The following STX7 variants were observed in gnomAD, a reference collection of about 807,000 sequenced individuals.
STX7 encodes the protein syntaxin 7.
Under a neutral mutation model 39.6 loss-of-function variants are expected in STX7, and 34 were observed. The ratio of observed to expected loss-of-function variants is 0.86; its 90% CI spans 0.65 to 1.14. STX7 has a LOEUF of 1.14. STX7 is among the 50% of genes most tolerant of loss of function. The probability of loss-of-function intolerance (pLI) is 0.00; values close to 1 mark genes in which losing one functional copy is unlikely to be tolerated. For missense variants in STX7, 284 were observed against 310.4 expected, an observed-to-expected ratio of 0.92 and a Z score of 0.64; for synonymous variants, 119 against 99.1, an observed-to-expected ratio of 1.20 and a Z score of -1.19.
Position 132,480,863 on chromosome 6 carries a change from T to C in STX7, c.86-5201A>G, listed in dbSNP as rs139898703. Among the ~76,000 whole-genome samples the C allele has an allele frequency of 3.3e-3, 497 of 152,346 alleles. 2 individuals are homozygous for C. Among genetic ancestry groups the C allele is most frequent in the African/African-American group, 0.012 (481 of 41,576 alleles). On this transcript the variant is annotated intron_variant, in intron 2 of 9. Transcript: ENST00000367941. ...AACTTAGCACCTGCCAGTATTCTTT[T>C]TCTTGCTCTGCAATGTATATATTTA...
intron 8 of STX7, 110 bp downstream of exon 8, chr6:132,468,292 AG>A (rs998035171): frequency 2.5e-6 from 2 of 812,456 alleles, no homozygotes; most frequent in African/African-American, 3.5e-5. Flanking sequence ...TTTTGGTTCC[AG>A]GGAAACCAAA....
chr6:132,505,760 A>AAAC (rs1554252687), intron 1 of STX7, among the ~76,000 whole-genome samples: 19 of 144,980 alleles, frequency 1.3e-4, no homozygotes, highest in African/African-American at 4.2e-4. Flanking sequence ...AAAAAAAAAA[A>AAAC]AAAACACAGG....
chr6:132,490,982 A>T (rs1295053234), intron 2 of STX7, among the ~76,000 whole-genome samples: 1 of 143,652 alleles, frequency 7.0e-6, no homozygotes, highest in Non-Finnish European at 1.5e-5. Context: ...AGCACAGCAC[A>T]GCACAGCACA....
chr6:132,498,847 A>C (rs561285261), intron 2 of STX7, among the ~76,000 whole-genome samples: 40 of 152,350 alleles, frequency 2.6e-4, no homozygotes, highest in Non-Finnish European at 5.1e-4. Flanking sequence ...TATCTAATCT[A>C]AACTCCCCTT....
rs926014988 is a variant in STX7 at position 132,470,757 on chromosome 6, G to A, written c.388-131C>T. The A allele has an allele frequency of 3.9e-4, 189 of 489,778 alleles. 1 individual carries two copies. Among genetic ancestry groups the A allele is most frequent in the Non-Finnish European group, 8.7e-5 (24 of 275,054 alleles). The allele number at this position is 489,778 out of a possible 1,614,324, so 30.3% of individuals were successfully genotyped here. On this transcript the variant is annotated intron_variant, in intron 5 of 9. Coordinates refer to ENST00000367941, the MANE Select transcript of STX7 (RefSeq NM_003569.3). ...TACGTGTCTGTGTGTATGTGTGTGT[G>A]TGTGTAGAGACAGAGAGAAAGAAGT...
At chr6:132,472,410 CTAA>C in intron 3 of STX7, 35 bp from the exon 4 acceptor site, 2 of 1,494,598 alleles carry the variant, frequency 1.3e-6, no homozygotes, top group Non-Finnish European at 9.2e-7. Flanking sequence ...AGCCAAAGGA[CTAA>C]TATACTTCTT....
chr6:132,468,595 C>G (rs1774624504), intron 7 of STX7, 120 bp from the exon 8 acceptor site: 2 of 580,826 alleles, frequency 3.4e-6, no homozygotes, highest in Admixed American at 3.7e-5. Flanking sequence ...CTATAATACA[C>G]AAATATAATA....
At position 132,459,704 on chromosome 6, in the gene STX7, T is replaced by C. The variant is rs1238949643; in HGVS notation, c.*1054A>G. ...TCTTTACAGAATTCAGATTAGTGCA[T>C]TAAAACAACATTGATTTAAAAAGGG... On this transcript the variant is annotated 3_prime_UTR_variant, in exon 10 of 10. Transcript: ENST00000367941. The C allele has an allele frequency of 6.6e-6, 1 of 152,196 alleles. No homozygotes were observed. Among genetic ancestry groups the C allele is most frequent in the African/African-American group, 2.4e-5 (1 of 41,450 alleles). 9.4% of individuals were successfully genotyped at this position (152,196 alleles called of 1,614,324 possible). A position where few individuals can be genotyped will look rare whatever the true frequency, so the allele number is the denominator to read the frequency against.
rs555784809 is a variant in STX7, at chr6:132,460,504, G to A, written c.*254C>T. The A allele has an allele frequency of 9.6e-6, 3 of 311,080 alleles. No individual in the cohort carries two copies. Among genetic ancestry groups the A allele is most frequent in the Admixed American group, 9.6e-5 (2 of 20,842 alleles). 19.3% of individuals were successfully genotyped at this position (311,080 alleles called of 1,614,324 possible). On this transcript the variant is annotated 3_prime_UTR_variant, in exon 10 of 10. Transcript: ENST00000367941. ...TATAAATGAAAGGCATATGCAATGT[G>A]GGCAAAAACTTAACAACTATTAAAT...
At chr6:132,476,635 A>C (rs891095402) in intron 2 of STX7, among the ~76,000 whole-genome samples, 3 of 152,172 alleles carry the variant, frequency 2.0e-5, no homozygotes, top group Non-Finnish European at 4.4e-5. Flanking sequence ...ACAAAAGTTG[A>C]AAAATGCCCA....
chr6:132,459,288 T>A lies in STX7; in HGVS notation c.*1470A>T, dbSNP rs1774326775. ...ATCCCTTTTGTGGAAAAAAATGGAG[T>A]TTTTCTGATATGCAAAGCAACTTCT... is the stretch of plus-strand genomic sequence containing the variant. On this transcript the variant is annotated 3_prime_UTR_variant, in exon 10 of 10. Transcript: ENST00000367941. The A allele has an allele frequency of 6.6e-6, 1 of 151,470 alleles. No individual in the cohort carries two copies. The highest frequency in any genetic ancestry group is 2.4e-5 in the African/African-American group (1 of 41,170). 9.4% of individuals were successfully genotyped at this position (151,470 alleles called of 1,614,324 possible). A position where few individuals can be genotyped will look rare whatever the true frequency, so the allele number is the denominator to read the frequency against.
chr6:132,490,260 C>T (rs942189012), intron 2 of STX7, among the ~76,000 whole-genome samples: 1 of 152,210 alleles, frequency 6.6e-6, no homozygotes, highest in African/African-American at 2.4e-5. Context: ...AATTCTCCTA[C>T]TGCTCCAAAA....
chr6:132,489,335 C>A (rs79793316), intron 2 of STX7, among the ~76,000 whole-genome samples: 1 of 151,340 alleles, frequency 6.6e-6, no homozygotes, highest in Non-Finnish European at 1.5e-5. Flanking sequence ...GATCCAGGTT[C>A]GTTATAGGGT....
intron 8 of STX7, among the ~76,000 whole-genome samples, chr6:132,466,161 G>A (rs556139326): frequency 3.3e-5 from 5 of 152,180 alleles, no homozygotes; most frequent in Middle Eastern, 3.4e-3. Flanking sequence ...AACACAGCTC[G>A]TATTGAGGTC....
At chr6:132,480,543 T>C (rs1774990738) in intron 2 of STX7, among the ~76,000 whole-genome samples, 1 of 152,166 alleles carries the variant, frequency 6.6e-6, no homozygotes, top group Non-Finnish European at 1.5e-5. Flanking sequence ...CTACAACTGG[T>C]CATTTAGGGC....
Position 132,454,727 on chromosome 6 carries a change from G to T in STX7, c.*6031C>A, listed in dbSNP as rs1049120015. 2 of 151,988 alleles carry T rather than the reference G, an allele frequency of 1.3e-5. No individual in the cohort carries two copies. Among genetic ancestry groups the T allele is most frequent in the Non-Finnish European group, 2.9e-5 (2 of 67,976 alleles). The allele number at this position is 151,988 out of a possible 1,614,324, so 9.4% of individuals were successfully genotyped here. A position where few individuals can be genotyped will look rare whatever the true frequency, so the allele number is the denominator to read the frequency against. On this transcript the variant is annotated 3_prime_UTR_variant, in exon 10 of 10. Transcript: ENST00000367941. ...CAGGAAAAGACATAAGGACAATAGGGTAGCCCTAATTTTGAACAAAAAATG... is the reference window on the plus strand; with the variant it reads ...CAGGAAAAGACATAAGGACAATAGGTTAGCCCTAATTTTGAACAAAAAATG...
chr6:132,462,579 A>C (rs1562320405), intron 9 of STX7, among the ~76,000 whole-genome samples: 2 of 116,474 alleles, frequency 1.7e-5, no homozygotes. Context: ...TGGCATTTGC[A>C]GGGGTGTGTG....
intron 2 of STX7, among the ~76,000 whole-genome samples, chr6:132,497,377 CAA>C: frequency 6.6e-6 from 1 of 152,134 alleles, no homozygotes. Context: ...ATGATGTTAA[CAA>C]AGTCAGGACA....
rs1774364565 is a variant in STX7, at chr6:132,460,547, A to G, written c.*211T>C. 1 of 393,736 alleles carries G rather than the reference A, an allele frequency of 2.5e-6. No individual in the cohort carries two copies. Among genetic ancestry groups the G allele is most frequent in the Non-Finnish European group, 4.5e-6 (1 of 222,054 alleles). 24.4% of individuals were successfully genotyped at this position (393,736 alleles called of 1,614,324 possible). ...TATTAAATTGAAGACCAAGGGAGTT[A>G]TGTCAGCAGTGACATTTAGAAAATC... On this transcript the variant is annotated 3_prime_UTR_variant, in exon 10 of 10. Transcript: ENST00000367941.
Sources: allele counts gnomAD v4.1 joint callset (sites outside exome capture counted in the v4.1 genomes callset), GRCh38; gene constraint gnomAD v4.1.1; transcripts MANE v1.5; gene names NCBI Gene and HGNC (gene_info 2026-07-23, HGNC 2026-07-21).